LAMA2: variants seen among roughly 807,000 people sequenced by gnomAD.
LAMA2 encodes the protein laminin subunit alpha 2, also known as laminin subunit alpha-2.
Under a neutral mutation model 364.8 loss-of-function variants are expected in LAMA2, and 269 were observed. The ratio of observed to expected loss-of-function variants is 0.74; its 90% CI spans 0.67 to 0.82. LAMA2 has a LOEUF of 0.82. Among genes scored for constraint, LAMA2 ranks in the 40% least tolerant of loss-of-function variants. The probability of loss-of-function intolerance (pLI) is 0.00; values close to 1 mark genes in which losing one functional copy is unlikely to be tolerated. For missense variants in LAMA2, 3,807 were observed against 3,873.2 expected, an observed-to-expected ratio of 0.98 and a Z score of 0.45; for synonymous variants, 1,379 against 1,370.6, an observed-to-expected ratio of 1.01 and a Z score of -0.14.
chr6:129,298,047 T>C (rs1378897180), intron 21 of LAMA2, among the ~76,000 whole-genome samples, 182 bp downstream of exon 21: 1 of 35,648 alleles, frequency 2.8e-5, no homozygotes, highest in Non-Finnish European at 4.8e-5. Context: ...AAACACTGCC[T>C]TAATAACTGT....
intron 32 of LAMA2, among the ~76,000 whole-genome samples, chr6:129,358,239 A>G (rs1777263195): frequency 6.6e-6 from 1 of 151,964 alleles, no homozygotes; most frequent in Admixed American, 6.6e-5. Context: ...AATGGCAACT[A>G]TCACCGTGAT....
chr6:129,116,179 T>G (rs1015350352), intron 4 of LAMA2, among the ~76,000 whole-genome samples: 3 of 152,144 alleles, frequency 2.0e-5, no homozygotes, highest in Admixed American at 1.3e-4. Flanking sequence ...AGTGTGCTAG[T>G]AAAGTAAATA....
intron 17 of LAMA2, 31 bp downstream of exon 17, chr6:129,270,782 T>G (rs1488043911): frequency 3.7e-6 from 6 of 1,608,946 alleles, no homozygotes; most frequent in Non-Finnish European, 5.1e-6. Context: ...ATGAATAAGC[T>G]CAGCATCCAT....
intron 12 of LAMA2, among the ~76,000 whole-genome samples, chr6:129,243,868 A>G (rs72973234): frequency 2.5e-5 from 3 of 119,864 alleles, no homozygotes; most frequent in African/African-American, 5.6e-5. Context: ...GAAGAAGAAG[A>G]AGGAGGAGGA....
intron 38 of LAMA2, among the ~76,000 whole-genome samples, chr6:129,401,772 C>G (rs559612381): frequency 1.3e-5 from 2 of 152,106 alleles, no homozygotes; most frequent in Non-Finnish European, 2.9e-5. Flanking sequence ...GACATGTATA[C>G]CTATGAAGTG....
intron 9 of LAMA2, among the ~76,000 whole-genome samples, chr6:129,176,963 T>C (rs1368544970): frequency 1.3e-5 from 2 of 152,238 alleles, no homozygotes; most frequent in African/African-American, 2.4e-5. Context: ...TGCCTTTTTT[T>C]CCCTCCTCCT....
At chr6:129,294,195 G>GT (rs1789922940) in intron 20 of LAMA2, among the ~76,000 whole-genome samples, 1 of 152,186 alleles carries the variant, frequency 6.6e-6, no homozygotes, top group African/African-American at 2.4e-5. Context: ...AAGCCAATGG[G>GT]ATATACCCAA....
chr6:129,014,171 A>G (rs752184297), intron 1 of LAMA2, among the ~76,000 whole-genome samples: 2 of 152,204 alleles, frequency 1.3e-5, no homozygotes, highest in Non-Finnish European at 2.9e-5. Flanking sequence ...TGCTATAGCC[A>G]TACTGAATTT....
intron 1 of LAMA2, among the ~76,000 whole-genome samples, chr6:128,942,188 G>A (rs371561944): frequency 9.2e-5 from 14 of 151,552 alleles, no homozygotes; most frequent in East Asian, 1.9e-4. Flanking sequence ...CATAACTTTC[G>A]TGTTTTTTCC....
At chr6:129,061,978 C>A (rs1196868970) in intron 3 of LAMA2, among the ~76,000 whole-genome samples, 1 of 152,112 alleles carries the variant, frequency 6.6e-6, no homozygotes, top group African/African-American at 2.4e-5. Context: ...ATCCTTATTT[C>A]TACTTGACTC....
chr6:129,225,545 A>G (rs141531721), intron 12 of LAMA2, among the ~76,000 whole-genome samples: 1,975 of 152,214 alleles, frequency 0.013, 44 homozygotes, highest in African/African-American at 0.045. Context: ...CTTTGTTCTC[A>G]TTAGTTTCAA....
intron 9 of LAMA2, among the ~76,000 whole-genome samples, chr6:129,170,119 G>A (rs1173057005): frequency 6.6e-6 from 1 of 151,206 alleles, no homozygotes; most frequent in Non-Finnish European, 1.5e-5. Context: ...ACCAGCTCCT[G>A]GATTCATTAA....
At chr6:129,255,579 G>A (rs554191297) in intron 14 of LAMA2, among the ~76,000 whole-genome samples, 4 of 151,918 alleles carry the variant, frequency 2.6e-5, no homozygotes. Flanking sequence ...CGAGTCCATC[G>A]TGACTTCATC....
chr6:129,202,925 T>C (rs1271620002), intron 12 of LAMA2, among the ~76,000 whole-genome samples: 2 of 152,332 alleles, frequency 1.3e-5, no homozygotes, highest in African/African-American at 4.8e-5. Context: ...AAATTAAGTG[T>C]ATCAAACAGG....
intron 56 of LAMA2, among the ~76,000 whole-genome samples, chr6:129,489,775 A>T (rs1402774933): frequency 1.3e-5 from 2 of 152,162 alleles, no homozygotes; most frequent in Non-Finnish European, 2.9e-5. Context: ...AATTACAAAC[A>T]TTAGGACACA....
intron 58 of LAMA2, among the ~76,000 whole-genome samples, chr6:129,495,838 T>A (rs1785147809): frequency 6.6e-6 from 1 of 152,234 alleles, no homozygotes; most frequent in South Asian, 2.1e-4. Context: ...GGTTCTTTTT[T>A]TTTTTTATAA....
At chr6:128,929,536 C>T in intron 1 of LAMA2, 1 of 939,108 alleles carries the variant, frequency 1.1e-6, no homozygotes, top group South Asian at 1.3e-5. Context: ...TAGAGAAACT[C>T]CTGAGCGACA....
In LAMA2 at chr6:129,263,905, A is replaced by AT. The variant is rs202195205; in HGVS notation, c.2208+3092dup. ...CAGGTGTATACCACCATGCCCAGCT[A>AT]TTTTTTTTTGTTTGTTTTAATAGAG... On this transcript the variant is annotated intron_variant, in intron 15 of 64. Transcript: ENST00000421865. Among the ~76,000 whole-genome samples, 792 of 150,526 alleles carry AT rather than the reference A, an allele frequency of 5.3e-3. 4 individuals are homozygous for AT. The highest frequency in any genetic ancestry group is 7.0e-3 in the African/African-American group (287 of 41,074).
At chr6:129,330,010 T>C (rs1409961441) in intron 29 of LAMA2, among the ~76,000 whole-genome samples, 1 of 151,802 alleles carries the variant, frequency 6.6e-6, no homozygotes, top group African/African-American at 2.4e-5. Flanking sequence ...GTGAGGGATC[T>C]AGGTTGTGCG....
Sources: gnomAD v4.1 joint callset for allele counts (sites outside exome capture counted in the v4.1 genomes callset) on GRCh38, gnomAD v4.1.1 for gene constraint, MANE v1.5 for transcripts, NCBI Gene and HGNC (gene_info 2026-07-23, HGNC 2026-07-21) for gene names.